LRCH1: variants seen among roughly 807,000 people sequenced by gnomAD.
LRCH1 encodes leucine-rich repeat and calponin homology domain-containing protein 1.
A neutral mutation model predicts 94.9 loss-of-function variants in LRCH1; 23 were observed. That is an observed-to-expected ratio of 0.24 (90% CI 0.17 to 0.34). The LOEUF (loss-of-function observed/expected upper bound fraction) is 0.34, where lower values mean the gene tolerates loss of function less well. Ranked by LOEUF, LRCH1 falls within the 10% of genes least tolerant of loss-of-function variation. The pLI is 1.00. For missense variants in LRCH1, 790 were observed against 945.9 expected, an observed-to-expected ratio of 0.84 and a Z score of 2.16; for synonymous variants, 364 against 354.9, an observed-to-expected ratio of 1.03 and a Z score of -0.29.
chr13:46,689,169 T>C lies in LRCH1; in HGVS notation c.987T>C (p.Asn329=), dbSNP rs770917907. 3.1e-6 allele frequency: 5 copies of C among 1,611,880 alleles called. No individual in the cohort carries two copies. Among genetic ancestry groups the C allele is most frequent in the Non-Finnish European group, 4.2e-6 (5 of 1,178,818 alleles). The change falls in exon 7 of 20, where the codon AAT becomes AAC. Residue 329 remains asparagine (N), a synonymous_variant. Coordinates refer to ENST00000389797, the MANE Select transcript of LRCH1 (RefSeq NM_001164211.2). ...CTGATTCGGGAGTTGGAAGTGATAATGGAGATAAGCGATTATCTGCCACCG... is the reference window on the plus strand; with the variant it reads ...CTGATTCGGGAGTTGGAAGTGATAACGGAGATAAGCGATTATCTGCCACCG... ...KDSDSGVGSD[N]GDKRLSATEP...
chr13:46,606,560 C>CTTGTT (rs1042350202), intron 1 of LRCH1, among the ~76,000 whole-genome samples: 53 of 152,072 alleles, frequency 3.5e-4, no homozygotes, highest in East Asian at 7.7e-4. Flanking sequence ...TGAAATAAGT[C>CTTGTT]TTGTTTTGTT....
intron 2 of LRCH1, among the ~76,000 whole-genome samples, chr13:46,650,728 AAAAAAAAAAAAAAAG>A (rs1199654782): frequency 3.5e-5 from 5 of 142,806 alleles, no homozygotes; most frequent in African/African-American, 1.0e-4. Flanking sequence ...GGAGCAAAAA[AAAAAAAAAAAAAAAG>A]AGAAAGCCTG....
At chr13:46,705,874 A>G (rs749126305) in intron 13 of LRCH1, among the ~76,000 whole-genome samples, 1 of 152,192 alleles carries the variant, frequency 6.6e-6, no homozygotes, top group Non-Finnish European at 1.5e-5. Flanking sequence ...AACACTAGAG[A>G]TGACCTTAGA....
intron 7 of LRCH1, among the ~76,000 whole-genome samples, chr13:46,691,148 T>TA (rs1870874804): frequency 6.6e-6 from 1 of 152,228 alleles, no homozygotes; most frequent in Non-Finnish European, 1.5e-5. Flanking sequence ...CACAATCTCC[T>TA]GAAATGTGTT....
chr13:46,669,002 A>G (rs374796537), intron 2 of LRCH1, 28 bp from the exon 3 acceptor site: 5 of 1,613,114 alleles, frequency 3.1e-6, no homozygotes, highest in Non-Finnish European at 4.2e-6. Context: ...TTCTGTTTAC[A>G]TGTGTTCTTG....
chr13:46,623,486 C>G (rs2050904620), intron 1 of LRCH1, among the ~76,000 whole-genome samples: 1 of 152,046 alleles, frequency 6.6e-6, no homozygotes, highest in African/African-American at 2.4e-5. Flanking sequence ...AGTGGCCAAT[C>G]TCTAGCTTCC....
chr13:46,677,447 A>T (rs187000422), intron 3 of LRCH1, among the ~76,000 whole-genome samples: 51 of 152,218 alleles, frequency 3.4e-4, no homozygotes, highest in African/African-American at 1.2e-3. Context: ...AACAAAACAA[A>T]AAAAACTTCT....
intron 17 of LRCH1, among the ~76,000 whole-genome samples, chr13:46,728,276 C>T (rs1872928114): frequency 6.6e-6 from 1 of 151,958 alleles, no homozygotes; most frequent in East Asian, 1.9e-4. Context: ...AGTGCAGTAG[C>T]ACTACCTCAT....
At chr13:46,666,043 A>G (rs919456985) in intron 2 of LRCH1, among the ~76,000 whole-genome samples, 1 of 152,224 alleles carries the variant, frequency 6.6e-6, no homozygotes, top group African/African-American at 2.4e-5. Flanking sequence ...GATAAAATAT[A>G]TGAAGTAGAG....
chr13:46,694,850 T>G lies in LRCH1; in HGVS notation c.1121-43T>G, dbSNP rs757487002. ...AGATCAGCTGTGTTTTGCTCTTCTG[T>G]TCATGAAATCATGCTTTCCATCTCT... is the stretch of plus-strand genomic sequence containing the variant. On this transcript the variant is annotated intron_variant, in intron 8 of 19. Transcript: ENST00000389797. 3.7e-6 allele frequency: 6 copies of G among 1,609,826 alleles called. No individual in the cohort carries two copies. The Admixed American group carries it at 8.4e-5, about 22-fold the overall frequency.
At chr13:46,556,487 A>T (rs1049224019) in intron 1 of LRCH1, among the ~76,000 whole-genome samples, 5 of 152,198 alleles carry the variant, frequency 3.3e-5, no homozygotes, top group African/African-American at 1.2e-4. Flanking sequence ...AGAAAGACTG[A>T]TCCACGCAGG....
At chr13:46,611,632 G>C (rs946441852) in intron 1 of LRCH1, among the ~76,000 whole-genome samples, 4 of 152,066 alleles carry the variant, frequency 2.6e-5, no homozygotes, top group Non-Finnish European at 4.4e-5. Flanking sequence ...AAAATTTAAT[G>C]TCCAAGTTGA....
intron 1 of LRCH1, among the ~76,000 whole-genome samples, chr13:46,638,186 A>G (rs2051115111): frequency 1.3e-5 from 2 of 152,230 alleles, no homozygotes; most frequent in Admixed American, 1.3e-4. Flanking sequence ...GAAAATTACT[A>G]TGGATTTGCA....
At chr13:46,579,158 G>A (rs1374053928) in intron 1 of LRCH1, among the ~76,000 whole-genome samples, 2 of 152,098 alleles carry the variant, frequency 1.3e-5, no homozygotes, top group African/African-American at 4.8e-5. Flanking sequence ...TGGAACCCTG[G>A]TCCAGTCCCT....
At chr13:46,573,987 A>G (rs2050273665) in intron 1 of LRCH1, among the ~76,000 whole-genome samples, 1 of 149,868 alleles carries the variant, frequency 6.7e-6, no homozygotes, top group Non-Finnish European at 1.5e-5. Context: ...CTGGGATTAC[A>G]GGCACACACC....
chr13:46,644,515 A>C (rs1447396988), intron 1 of LRCH1, among the ~76,000 whole-genome samples: 1 of 152,196 alleles, frequency 6.6e-6, no homozygotes, highest in African/African-American at 2.4e-5. Context: ...AAAAAAAGGA[A>C]AGCTTTTGTT....
intron 1 of LRCH1, among the ~76,000 whole-genome samples, chr13:46,570,914 A>C (rs767545067): frequency 6.6e-5 from 10 of 152,192 alleles, no homozygotes; most frequent in Non-Finnish European, 1.2e-4. Context: ...AGATTTTTAA[A>C]TTGCTGTGTG....
intron 2 of LRCH1, among the ~76,000 whole-genome samples, chr13:46,663,205 T>C (rs2051471414): frequency 6.6e-6 from 1 of 152,194 alleles, no homozygotes; most frequent in South Asian, 2.1e-4. Context: ...TAAATCTCTG[T>C]CCTAAAAATT....
At position 46,555,810 on chromosome 13, in the gene LRCH1, T is replaced by C. The variant is rs186769673; in HGVS notation, c.307+2107T>C. ...AATTAGAATACCCAAATGTATTAAA[T>C]ATTTGCTTCTGCAAAACGTCTTTGC... On this transcript the variant is annotated intron_variant, in intron 1 of 19. Transcript: ENST00000389797. Among the ~76,000 whole-genome samples, 5 of 152,374 alleles carry C rather than the reference T, an allele frequency of 3.3e-5. No individual in the cohort carries two copies. In the East Asian group the frequency reaches 9.6e-4, roughly 29 times the overall value.
Sources: gnomAD v4.1 joint callset for allele counts (sites outside exome capture counted in the v4.1 genomes callset) on GRCh38, gnomAD v4.1.1 for gene constraint, MANE v1.5 for transcripts, NCBI Gene and HGNC (gene_info 2026-07-23, HGNC 2026-07-21) for gene names.